Variants in CAST observed in about 807,000 individuals in gnomAD.
CAST encodes the protein MIR583 host.
CAST carries 76 observed loss-of-function variants against 119.6 expected under a neutral mutation model. The ratio of observed to expected loss-of-function variants is 0.64; its 90% CI spans 0.53 to 0.77. The LOEUF (loss-of-function observed/expected upper bound fraction) is 0.77. CAST is among the 30% of genes least tolerant of loss of function. CAST has a pLI of 0.00. For synonymous variants in CAST, 319 were observed against 331.6 expected (o/e 0.96, Z 0.41); for missense variants, 953 against 946.5 (o/e 1.01, Z -0.09).
the CAST span, among the ~76,000 whole-genome samples, chr5:96,055,597 T>C: frequency 3.9e-5 from 6 of 152,214 alleles, no homozygotes; most frequent in African/African-American, 1.4e-4. Flanking sequence ...CTCACTCTGC[T>C]ATTATGCTGC....
the CAST span, chr5:96,400,086 A>G: frequency 1.2e-6 from 2 of 1,614,154 alleles, no homozygotes; most frequent in Non-Finnish European, 1.7e-6. Context: ...TTCACCATCA[A>G]GCCTGCTCCA....
At chr5:96,363,465 G>A in the CAST span, among the ~76,000 whole-genome samples, 1 of 152,154 alleles carries the variant, frequency 6.6e-6, no homozygotes, top group Non-Finnish European at 1.5e-5. Flanking sequence ...TCCTACCCAT[G>A]AGCATGGAGT....
the CAST span, among the ~76,000 whole-genome samples, chr5:96,011,459 C>T: frequency 6.6e-6 from 1 of 152,166 alleles, no homozygotes; most frequent in African/African-American, 2.4e-5. Flanking sequence ...GACATGGGTA[C>T]ATAGTTGCCC....
the CAST span, among the ~76,000 whole-genome samples, chr5:96,178,678 G>A: frequency 1.4e-3 from 220 of 152,196 alleles, no homozygotes; most frequent in African/African-American, 5.1e-3. Flanking sequence ...GTTTGTTATG[G>A]GGGAGCACTG....
chr5:96,121,976 C>A, the CAST span, among the ~76,000 whole-genome samples: 2,029 of 152,136 alleles, frequency 0.013, 37 homozygotes, highest in South Asian at 0.077. Context: ...TCTTTTCTTC[C>A]TTCTGCAATT....
intron 2 of CAST, among the ~76,000 whole-genome samples, chr5:96,689,936 A>G (rs1000162690): frequency 1.3e-5 from 2 of 152,028 alleles, no homozygotes; most frequent in African/African-American, 4.8e-5. Context: ...TCCAATTCCC[A>G]TGATGTAGGT....
At chr5:96,133,271 T>G in the CAST span, among the ~76,000 whole-genome samples, 1 of 151,200 alleles carries the variant, frequency 6.6e-6, no homozygotes, top group Non-Finnish European at 1.5e-5. Context: ...GTTCTGGTCA[T>G]AGACCCCTCA....
chr5:96,555,511 C>T (rs764462065), intron 1 of CAST, among the ~76,000 whole-genome samples: 1 of 152,264 alleles, frequency 6.6e-6, no homozygotes, highest in Non-Finnish European at 1.5e-5. Flanking sequence ...CCTAGGAAAT[C>T]GGGTCACTCC....
At chr5:96,656,082 C>G (rs1235768260) in intron 1 of CAST, among the ~76,000 whole-genome samples, 1 of 152,090 alleles carries the variant, frequency 6.6e-6, no homozygotes, top group Non-Finnish European at 1.5e-5. Context: ...ATTGTTTTTA[C>G]CTGATCATAG....
the CAST span, among the ~76,000 whole-genome samples, chr5:96,486,716 A>T: frequency 6.6e-6 from 1 of 151,990 alleles, no homozygotes; most frequent in Non-Finnish European, 1.5e-5. Flanking sequence ...GGGGGGGCAG[A>T]TTCTGCCAGT....
At chr5:96,427,080 G>A in the CAST span, among the ~76,000 whole-genome samples, 1 of 152,174 alleles carries the variant, frequency 6.6e-6, no homozygotes, top group Non-Finnish European at 1.5e-5. Context: ...AATCTTTGAG[G>A]TAGAGGGTCA....
At chr5:96,554,833 C>T (rs1746202790) in intron 1 of CAST, among the ~76,000 whole-genome samples, 1 of 152,136 alleles carries the variant, frequency 6.6e-6, no homozygotes, top group Non-Finnish European at 1.5e-5. Flanking sequence ...TAGAAAAATG[C>T]AAATCAAAAC....
chr5:96,541,334 T>A (rs1011245375), intron 1 of CAST, among the ~76,000 whole-genome samples: 36 of 151,092 alleles, frequency 2.4e-4, no homozygotes, highest in East Asian at 3.9e-4. Flanking sequence ...GTCATTTTTT[T>A]AAAAAAAAAA....
intron 1 of CAST, among the ~76,000 whole-genome samples, chr5:96,631,779 G>A (rs142782637): frequency 6.6e-6 from 1 of 152,016 alleles, no homozygotes; most frequent in South Asian, 2.1e-4. Flanking sequence ...TGATCCACCC[G>A]CCTCGGCCTC....
chr5:96,745,200 G>A (rs1283960547), intron 16 of CAST, among the ~76,000 whole-genome samples: 1 of 152,162 alleles, frequency 6.6e-6, no homozygotes, highest in African/African-American at 2.4e-5. Context: ...TGCCGAAATA[G>A]AGCGTGACTG....
the CAST span, among the ~76,000 whole-genome samples, chr5:96,149,896 AG>A: frequency 1.3e-5 from 2 of 152,240 alleles, no homozygotes; most frequent in African/African-American, 4.8e-5. Flanking sequence ...AGGAATAACA[AG>A]GTAACTTATT....
upstream of CAST, among the ~76,000 whole-genome samples, chr5:96,521,789 G>A (rs1252274111): frequency 6.6e-6 from 1 of 152,140 alleles, no homozygotes; most frequent in Non-Finnish European, 1.5e-5. Flanking sequence ...ATGAACTTAT[G>A]AATGAATGGA....
chr5:96,313,485 T>G, the CAST span, among the ~76,000 whole-genome samples: 48 of 152,182 alleles, frequency 3.2e-4, no homozygotes, highest in Non-Finnish European at 5.1e-4. Context: ...CTTCTTAGAT[T>G]CATCCATGCT....
chr5:96,538,811 G>C (rs1745864495), intron 1 of CAST, among the ~76,000 whole-genome samples: 1 of 151,940 alleles, frequency 6.6e-6, no homozygotes, highest in Non-Finnish European at 1.5e-5. Flanking sequence ...ATAAGACATA[G>C]AAATATCAAG....
Sources: gnomAD v4.1 joint callset for allele counts (sites outside exome capture counted in the v4.1 genomes callset) on GRCh38, gnomAD v4.1.1 for gene constraint, MANE v1.5 for transcripts, NCBI Gene and HGNC (gene_info 2026-07-23, HGNC 2026-07-21) for gene names.